CNOT4: variants seen among roughly 807,000 people sequenced by gnomAD.
CNOT4 encodes CCR4-associated factor 4.
Under a neutral mutation model 73.8 loss-of-function variants are expected in CNOT4, and 8 were observed. The ratio of observed to expected loss-of-function variants is 0.11; its 90% CI spans 0.06 to 0.20. CNOT4 has a LOEUF of 0.20. Among genes scored for constraint, CNOT4 ranks in the 10% least tolerant of loss-of-function variants. The pLI is 1.00. For synonymous variants in CNOT4, 293 were observed against 321.1 expected, an observed-to-expected ratio of 0.91 and a Z score of 0.94; for missense variants, 564 against 883.4, an observed-to-expected ratio of 0.64 and a Z score of 4.58.
intron 1 of CNOT4, among the ~76,000 whole-genome samples, chr7:135,504,198 T>C (rs1804185019): frequency 1.3e-5 from 2 of 152,170 alleles, no homozygotes; most frequent in Non-Finnish European, 1.5e-5. Flanking sequence ...GCTCCACCCC[T>C]TTGAAATTTC....
At chr7:135,445,581 C>T (rs1292573797) in intron 1 of CNOT4, among the ~76,000 whole-genome samples, 1 of 152,142 alleles carries the variant, frequency 6.6e-6, no homozygotes, top group African/African-American at 2.4e-5. Flanking sequence ...CAATTGTAAA[C>T]TTAGATTTAT....
intron 3 of CNOT4, among the ~76,000 whole-genome samples, chr7:135,416,136 T>C (rs1398953176): frequency 6.6e-6 from 1 of 152,168 alleles, no homozygotes; most frequent in African/African-American, 2.4e-5. Context: ...CTACAATCTC[T>C]CCAAATAGCA....
At chr7:135,468,059 C>CA (rs1801334317) in intron 1 of CNOT4, among the ~76,000 whole-genome samples, 1 of 151,468 alleles carries the variant, frequency 6.6e-6, no homozygotes, top group Non-Finnish European at 1.5e-5. Flanking sequence ...ACTAAAAATA[C>CA]AAAAAAATTA....
chr7:135,406,852 T>C (rs1256723447), intron 7 of CNOT4, among the ~76,000 whole-genome samples: 2 of 152,140 alleles, frequency 1.3e-5, no homozygotes, highest in African/African-American at 4.8e-5. Flanking sequence ...TACTTTATAA[T>C]AAAGGCAAAG....
At chr7:135,384,026 A>G (rs1795981648) in intron 10 of CNOT4, among the ~76,000 whole-genome samples, 1 of 152,102 alleles carries the variant, frequency 6.6e-6, no homozygotes, top group Non-Finnish European at 1.5e-5. Context: ...AACTTTAGAG[A>G]TCTTTAAGCT....
At chr7:135,398,534 C>A (rs113484207) in intron 7 of CNOT4, among the ~76,000 whole-genome samples, 2 of 151,852 alleles carry the variant, frequency 1.3e-5, no homozygotes, top group South Asian at 4.2e-4. Flanking sequence ...GGGGTGTTCG[C>A]CCAATAAGTA....
chr7:135,461,391 T>C (rs1261219260), intron 1 of CNOT4, among the ~76,000 whole-genome samples: 1 of 152,090 alleles, frequency 6.6e-6, no homozygotes, highest in Non-Finnish European at 1.5e-5. Flanking sequence ...ATTCAGAAGA[T>C]ACTCCCTGAA....
At chr7:135,494,175 A>C in intron 1 of CNOT4, among the ~76,000 whole-genome samples, 1 of 152,032 alleles carries the variant, frequency 6.6e-6, no homozygotes, top group East Asian at 1.9e-4. Flanking sequence ...TTCTCTAAAA[A>C]AGTACCACCA....
In CNOT4 at chr7:135,369,134, G is replaced by A. The variant is rs141831404; in HGVS notation, c.1628-5068C>T. On this transcript the variant is annotated intron_variant, in intron 10 of 11. Coordinates refer to ENST00000541284, the MANE Select transcript of CNOT4 (RefSeq NM_001190850.2). ...GATTTCATGTAGTTTATGTATTAGGGTACCATGTGAGATTTAATTTGAAAA... is the reference window on the plus strand; with the variant it reads ...GATTTCATGTAGTTTATGTATTAGGATACCATGTGAGATTTAATTTGAAAA... Among the ~76,000 whole-genome samples the A allele has an allele frequency of 2.9e-3, 438 of 152,242 alleles. 2 individuals are homozygous for A. The highest frequency in any genetic ancestry group is 9.6e-3 in the African/African-American group (399 of 41,530).
intron 1 of CNOT4, among the ~76,000 whole-genome samples, chr7:135,496,586 C>T (rs1378238491): frequency 6.6e-6 from 1 of 152,042 alleles, no homozygotes; most frequent in East Asian, 1.9e-4. Context: ...CTTCCTGAAA[C>T]CTCCTTGGCT....
intron 10 of CNOT4, chr7:135,388,295 T>C (rs11772832): frequency 0.39 from 386,913 of 981,770 alleles, 76,988 homozygotes; most frequent in South Asian, 0.46. Context: ...TCGCCAACAA[T>C]ATCCTTCTGA....
intron 7 of CNOT4, 40 bp from the exon 8 acceptor site, chr7:135,398,266 T>A: frequency 2.0e-6 from 2 of 1,025,424 alleles, no homozygotes; most frequent in Non-Finnish European, 3.0e-6. Flanking sequence ...CAGAATATAG[T>A]CATTCTCCTA....
chr7:135,413,398 A>T, intron 6 of CNOT4, 90 bp downstream of exon 6: 1 of 1,457,906 alleles, frequency 6.9e-7, no homozygotes, highest in Non-Finnish European at 9.4e-7. Context: ...TACAAAATCA[A>T]ATCCTTAGTT....
At chr7:135,497,537 C>A (rs1343385071) in intron 1 of CNOT4, among the ~76,000 whole-genome samples, 12 of 150,630 alleles carry the variant, frequency 8.0e-5, no homozygotes, top group Admixed American at 7.9e-4. Context: ...CAGAACAGAC[C>A]AAAAAAAAAT....
At chr7:135,377,370 G>C (rs1465489474) in intron 10 of CNOT4, among the ~76,000 whole-genome samples, 3 of 152,116 alleles carry the variant, frequency 2.0e-5, no homozygotes, top group Non-Finnish European at 4.4e-5. Flanking sequence ...CTGGTTGGGG[G>C]TGCTGATAAT....
chr7:135,498,813 C>T (rs1803766372), intron 1 of CNOT4, among the ~76,000 whole-genome samples: 1 of 152,136 alleles, frequency 6.6e-6, no homozygotes, highest in Non-Finnish European at 1.5e-5. Flanking sequence ...TCCCAAAGTG[C>T]TGGGATTAAA....
chr7:135,478,510 C>T (rs561728282), intron 1 of CNOT4, among the ~76,000 whole-genome samples: 41 of 152,202 alleles, frequency 2.7e-4, no homozygotes, highest in African/African-American at 9.4e-4. Context: ...CAAGACCGGC[C>T]TGGGCAACTG....
intron 7 of CNOT4, among the ~76,000 whole-genome samples, chr7:135,407,278 TAGCAATGCAAGA>T (rs1797345399): frequency 6.6e-6 from 1 of 152,216 alleles, no homozygotes; most frequent in African/African-American, 2.4e-5. Flanking sequence ...TATTTCTTTA[TAGCAATGCAAGA>T]ACAGACTAAA....
chr7:135,396,064 T>C lies in CNOT4; in HGVS notation c.880-181A>G, dbSNP rs73158928. On this transcript the variant is annotated intron_variant, in intron 8 of 11. Coordinates refer to ENST00000541284, the MANE Select transcript of CNOT4 (RefSeq NM_001190850.2). ...AATCATTAACTTACATATATACTCT[T>C]TAAAAAAATATTAATCTGCTTGAAA... is the stretch of plus-strand genomic sequence containing the variant. 0.087 allele frequency among the ~76,000 whole-genome samples: 13,083 copies of C among 150,540 alleles called. 673 individuals carry two copies. Among genetic ancestry groups the C allele is most frequent in the East Asian group, 0.15 (784 of 5,124 alleles).
Sources: gnomAD v4.1 joint callset for allele counts (sites outside exome capture counted in the v4.1 genomes callset) on GRCh38, gnomAD v4.1.1 for gene constraint, MANE v1.5 for transcripts, NCBI Gene and HGNC (gene_info 2026-07-23, HGNC 2026-07-21) for gene names.